The following BEAN1 variants were observed in gnomAD, a reference collection of about 807,000 sequenced individuals.
BEAN1 encodes brain expressed associated with NEDD4 1.
Under a neutral mutation model 17.7 loss-of-function variants are expected in BEAN1, and 17 were observed. The observed-to-expected ratio is 0.96, with a 90% CI of 0.66 to 1.44. The LOEUF is 1.44. BEAN1 is among the 40% of genes most tolerant of loss of function. The pLI, the probability that BEAN1 is intolerant of heterozygous loss-of-function variation, is 0.00. For missense variants in BEAN1, 359 were observed against 374.1 expected (o/e 0.96, Z 0.33); for synonymous variants, 142 against 151.8 (o/e 0.94, Z 0.47).
At chr16:66,463,945 G>A (rs1372252408) in intron 2 of BEAN1, among the ~76,000 whole-genome samples, 2 of 152,136 alleles carry the variant, frequency 1.3e-5, no homozygotes, top group Non-Finnish European at 2.9e-5. Flanking sequence ...ATAAATATGA[G>A]GGTCTGTTTC....
At position 66,481,023 on chromosome 16, in the gene BEAN1, C is replaced by A; in HGVS notation, c.*98C>A. The A allele has an allele frequency of 9.2e-7, 1 of 1,081,520 alleles. No homozygotes were observed. Among genetic ancestry groups the A allele is most frequent in the Non-Finnish European group, 1.3e-6 (1 of 780,722 alleles). 67.0% of individuals were successfully genotyped at this position (1,081,520 alleles called of 1,614,324 possible). A position where few individuals can be genotyped will look rare whatever the true frequency, so the allele number is the denominator to read the frequency against. The stretch of plus-strand genomic sequence containing the variant: ...CACACACACAGAGATGCACACGTGA[C>A]TCATAACACACACATAGACCAAACT... On this transcript the variant is annotated 3_prime_UTR_variant, in exon 5 of 5. Coordinates refer to ENST00000536005, the MANE Select transcript of BEAN1 (RefSeq NM_001178020.3). The surrounding 1 kb of genome is among the most constrained non-coding windows in gnomAD (Gnocchi z 4.1).
rs969406064 is a variant in BEAN1 at position 66,474,730 on chromosome 16, AAAAGAAAGGAAAGAG to A, written c.290-2821_290-2807del. Among the ~76,000 whole-genome samples the A allele has an allele frequency of 4.1e-4, 62 of 152,000 alleles. 1 individual carries two copies. The highest frequency in any genetic ancestry group is 4.1e-3 in the East Asian group (21 of 5,176). Reference sequence around the variant, plus strand: ...AAAAAAAGGAGAGAAAGAAAAAGGAAAAAGAAAGGAAAGAGAAAGAAAGAAAGAAAGAAGAAAGAA... The same window carrying A: ...AAAAAAAGGAGAGAAAGAAAAAGGAAAAAGAAAGAAAGAAAGAAGAAAGAA... On this transcript the variant is annotated intron_variant, in intron 3 of 4. Coordinates refer to ENST00000536005, the MANE Select transcript of BEAN1 (RefSeq NM_001178020.3).
chr16:66,477,360 C>G (rs2142457095), intron 3 of BEAN1, among the ~76,000 whole-genome samples, 200 bp from the exon 4 acceptor site: 1 of 152,342 alleles, frequency 6.6e-6, no homozygotes, highest in Non-Finnish European at 1.5e-5. Flanking sequence ...TGCTTCCTCT[C>G]TGTATCCCCA....
intron 2 of BEAN1, among the ~76,000 whole-genome samples, chr16:66,448,867 G>A (rs1180238223): frequency 1.3e-5 from 2 of 152,136 alleles, no homozygotes; most frequent in African/African-American, 4.8e-5. Context: ...TCCTTGGCCA[G>A]GCACAGTGGC....
rs946033005 is a variant in BEAN1 at position 66,492,811 on chromosome 16, G to A, written c.148-151G>A. 3.0e-5 allele frequency: 18 copies of A among 602,818 alleles called. No homozygotes were observed. In the Admixed American group the frequency reaches 5.3e-4, roughly 18 times the overall value. 37.3% of individuals were successfully genotyped at this position (602,818 alleles called of 1,614,324 possible). On this transcript the variant is annotated intron_variant, in intron 4 of 4. Transcript: ENST00000561796. ...CAGTGTACCCCTGATCATGGGCCAGGCTTTCCTTTGGCCAAATGCCCTCAT... is the reference window on the plus strand; with the variant it reads ...CAGTGTACCCCTGATCATGGGCCAGACTTTCCTTTGGCCAAATGCCCTCAT...
At chr16:66,466,561 GTTTTGT>G (rs1185580988) in intron 2 of BEAN1, among the ~76,000 whole-genome samples, 1 of 151,760 alleles carries the variant, frequency 6.6e-6, no homozygotes, top group East Asian at 1.9e-4. Context: ...CAAGTTTTTT[GTTTTGT>G]TTTTGTTTTT....
chr16:66,484,575 G>C (rs2142479687), downstream of BEAN1: 2 of 454,096 alleles, frequency 4.4e-6, 1 homozygote, highest in East Asian at 1.4e-4. The surrounding 1 kb of genome is among the most constrained non-coding windows in gnomAD (Gnocchi z 4.2). Context: ...AGGTGAAGCT[G>C]CATCACAGGA....
chr16:66,493,130 G>C (rs754537210), exon 5 of BEAN1: 1 of 702,976 alleles, frequency 1.4e-6, no homozygotes, highest in Non-Finnish European at 2.6e-6. Context: ...GATCTTCCTG[G>C]TGAGGGTCTC....
chr16:66,494,248 G>A (rs530308923), downstream of BEAN1, among the ~76,000 whole-genome samples: 2 of 152,176 alleles, frequency 1.3e-5, no homozygotes, highest in Non-Finnish European at 2.9e-5. Context: ...GGGGAAGAGT[G>A]GCCAAACCTA....
chr16:66,431,602 A>AG (rs1488768337), intron 1 of BEAN1, among the ~76,000 whole-genome samples: 3 of 88,364 alleles, frequency 3.4e-5, no homozygotes, highest in South Asian at 3.6e-4. Flanking sequence ...TATATTCCCT[A>AG]GTTTTTTTTT....
At chr16:66,486,444 G>A (rs9928926), downstream of BEAN1, among the ~76,000 whole-genome samples, 10,032 of 152,112 alleles carry the variant, frequency 0.066, 1,100 homozygotes, top group African/African-American at 0.23. Flanking sequence ...TAGTAGAGAC[G>A]GGGTCTCACC....
chr16:66,466,561 GTTTTGTTTTTGT>G (rs1185580988), intron 2 of BEAN1, among the ~76,000 whole-genome samples: 1 of 151,760 alleles, frequency 6.6e-6, no homozygotes, highest in Non-Finnish European at 1.5e-5. Flanking sequence ...CAAGTTTTTT[GTTTTGTTTTTGT>G]TTTTGTTTTG....
intron 2 of BEAN1, among the ~76,000 whole-genome samples, chr16:66,447,309 G>C (rs1459622424): frequency 1.3e-5 from 2 of 152,172 alleles, no homozygotes; most frequent in Admixed American, 1.3e-4. Context: ...CAAGAGCTAA[G>C]AGACCCAGGT....
chr16:66,464,898 G>T (rs1194599594), intron 2 of BEAN1, among the ~76,000 whole-genome samples: 1 of 151,918 alleles, frequency 6.6e-6, no homozygotes, highest in Non-Finnish European at 1.5e-5. Context: ...TCATTTTCTT[G>T]CCTAAATTGC....
chr16:66,484,111 C>G (rs1348674221), downstream of BEAN1: 4 of 182,080 alleles, frequency 2.2e-5, no homozygotes, highest in East Asian at 5.7e-4. The surrounding 1 kb of genome is among the most constrained non-coding windows in gnomAD (Gnocchi z 4.2). Flanking sequence ...TTGGGGCTCA[C>G]CCCCGCCCCG....
intron 1 of BEAN1, among the ~76,000 whole-genome samples, chr16:66,433,163 C>T (rs551911495): frequency 6.6e-6 from 1 of 152,160 alleles, no homozygotes; most frequent in South Asian, 2.1e-4. Flanking sequence ...GGCTGGAGTG[C>T]AGTAGTGCAA....
chr16:66,470,014 C>T, intron 3 of BEAN1, 149 bp downstream of exon 3: 15 of 1,084,976 alleles, frequency 1.4e-5, no homozygotes, highest in Non-Finnish European at 1.9e-5. Flanking sequence ...GAAGAGCTCA[C>T]AGGCGCCCAC....
chr16:66,487,068 G>A (rs1964099882), downstream of BEAN1, among the ~76,000 whole-genome samples: 1 of 152,222 alleles, frequency 6.6e-6, no homozygotes. Context: ...ACTGGGAGGG[G>A]CCCCAGCCAG....
At chr16:66,431,875 C>T (rs1412728713) in intron 1 of BEAN1, among the ~76,000 whole-genome samples, 4 of 151,890 alleles carry the variant, frequency 2.6e-5, no homozygotes, top group East Asian at 3.9e-4. Flanking sequence ...GACACGATCT[C>T]GGCTCACTGG....
Sources: gnomAD v4.1 joint callset for allele counts (sites outside exome capture counted in the v4.1 genomes callset) on GRCh38, gnomAD v4.1.1 for gene constraint, Gnocchi (gnomAD v3.1) non-coding constraint, MANE v1.5 for transcripts, NCBI Gene and HGNC (gene_info 2026-07-23, HGNC 2026-07-21) for gene names.